CUX1: variants seen among roughly 807,000 people sequenced by gnomAD.
CUX1 encodes the protein protein CASP.
A neutral mutation model predicts 158.8 loss-of-function variants in CUX1; 31 were observed. The observed-to-expected ratio is 0.20, with a 90% confidence interval of 0.15 to 0.26. The LOEUF (loss-of-function observed/expected upper bound fraction) is 0.26. CUX1 is among the 10% of genes least tolerant of loss of function. The probability of loss-of-function intolerance (pLI) is 1.00; values close to 1 mark genes in which losing one functional copy is unlikely to be tolerated. For synonymous variants in CUX1, 879 were observed against 862.1 expected, an observed-to-expected ratio of 1.02 and a Z score of -0.34; for missense variants, 1,589 against 2,014.6, an observed-to-expected ratio of 0.79 and a Z score of 4.04.
chr7:102,122,763 T>C (rs562362567), intron 8 of CUX1, among the ~76,000 whole-genome samples: 53 of 152,224 alleles, frequency 3.5e-4, no homozygotes, highest in Non-Finnish European at 6.9e-4. Flanking sequence ...TCAGTGAGAA[T>C]TGCCAAACTT....
intron 2 of CUX1, among the ~76,000 whole-genome samples, chr7:101,976,352 T>G (rs1227022946): frequency 6.6e-6 from 1 of 152,206 alleles, no homozygotes; most frequent in African/African-American, 2.4e-5. Flanking sequence ...CCCAGGCAGA[T>G]AGCTCATTTT....
At chr7:101,978,759 T>TTTCTTCCACC (rs1254976505) in intron 2 of CUX1, among the ~76,000 whole-genome samples, 1 of 152,224 alleles carries the variant, frequency 6.6e-6, no homozygotes, top group Non-Finnish European at 1.5e-5. Context: ...CTTCTTCCAC[T>TTTCTTCCACC]TTCTTCCACC....
At chr7:101,833,352 C>T (rs1794266012) in intron 1 of CUX1, among the ~76,000 whole-genome samples, 1 of 150,264 alleles carries the variant, frequency 6.7e-6, no homozygotes. Flanking sequence ...TGTTCAAGAC[C>T]AGCATGGGCA....
intron 2 of CUX1, among the ~76,000 whole-genome samples, chr7:101,943,656 C>T (rs2129142709): frequency 6.6e-6 from 1 of 150,640 alleles, no homozygotes; most frequent in African/African-American, 2.4e-5. Context: ...GGAACAGTGT[C>T]CCCTAATAGG....
intron 20 of CUX1, among the ~76,000 whole-genome samples, chr7:102,214,821 C>T (rs782362490): frequency 7.9e-5 from 12 of 152,224 alleles, no homozygotes; most frequent in Admixed American, 1.3e-4. Flanking sequence ...CTAGATTTTG[C>T]GTTTACTTCT....
At chr7:102,173,873 T>C (rs1179841582) in intron 10 of CUX1, among the ~76,000 whole-genome samples, 1 of 152,040 alleles carries the variant, frequency 6.6e-6, no homozygotes, top group Non-Finnish European at 1.5e-5. Context: ...TATTCCCACA[T>C]AGCCAGTGGG....
intron 10 of CUX1, among the ~76,000 whole-genome samples, chr7:102,174,108 A>G (rs782226736): frequency 9.2e-5 from 14 of 151,994 alleles, no homozygotes; most frequent in Non-Finnish European, 1.6e-4. Flanking sequence ...TGGGCTTTGC[A>G]TAGTTTTGTT....
At chr7:102,197,651 C>T (rs1554518775) in intron 15 of CUX1, among the ~76,000 whole-genome samples, 1 of 152,142 alleles carries the variant, frequency 6.6e-6, no homozygotes, top group East Asian at 1.9e-4. Flanking sequence ...GGGTGCTGGT[C>T]TCACTTTTGG....
At chr7:102,028,053 C>T (rs1359999690) in intron 2 of CUX1, 45 bp from the exon 3 acceptor site, 1 of 1,608,150 alleles carries the variant, frequency 6.2e-7, no homozygotes, top group Non-Finnish European at 8.5e-7. Flanking sequence ...TCCCTTCTTT[C>T]TCCTTCTCAA....
At chr7:102,215,023 C>A (rs1191010677) in intron 20 of CUX1, among the ~76,000 whole-genome samples, 5 of 152,126 alleles carry the variant, frequency 3.3e-5, no homozygotes, top group Non-Finnish European at 7.4e-5. Flanking sequence ...TTATGGATGC[C>A]TTAGCAGCAC....
chr7:102,196,157 A>G (rs1794779220), intron 14 of CUX1, among the ~76,000 whole-genome samples: 2 of 152,150 alleles, frequency 1.3e-5, no homozygotes, highest in African/African-American at 4.8e-5. Context: ...CTCTAATGGT[A>G]TTGCATTCTC....
rs1554510160 is a variant in CUX1 at position 102,170,602 on chromosome 7, T to G, written c.828+52T>G. On this transcript the variant is annotated intron_variant, in intron 10 of 23. Coordinates refer to ENST00000292535, the MANE Select transcript of CUX1 (RefSeq NM_181552.4). ...CTGTCCCCGCCTGGCCTCCGCACCT[T>G]CGAGTTACAGCCGCTTGCTCCTTTT... 2.4e-6 allele frequency: 3 copies of G among 1,262,894 alleles called. No individual in the cohort carries two copies. In the Admixed American group the frequency reaches 6.6e-5, roughly 28 times the overall value. The allele number at this position is 1,262,894 out of a possible 1,614,324, so 78.2% of individuals were successfully genotyped here. A position where few individuals can be genotyped will look rare whatever the true frequency, so the allele number is the denominator to read the frequency against.
chr7:101,915,855 G>A (rs996802231), intron 1 of CUX1, among the ~76,000 whole-genome samples: 1 of 152,142 alleles, frequency 6.6e-6, no homozygotes. Flanking sequence ...CATTTATGGC[G>A]TGCACATTGA....
At position 101,996,423 on chromosome 7, in the gene CUX1, G is replaced by A. The variant is rs116024560; in HGVS notation, c.142-31675G>A. Among the ~76,000 whole-genome samples the A allele has an allele frequency of 6.4e-3, 967 of 152,130 alleles. 21 individuals carry two copies. Among genetic ancestry groups the A allele is most frequent in the African/African-American group, 0.022 (926 of 41,412 alleles). On this transcript the variant is annotated intron_variant, in intron 2 of 23. Coordinates refer to ENST00000292535, the MANE Select transcript of CUX1 (RefSeq NM_181552.4). ...AGCAGCCCACGCCTGCAGGTGGTCC[G>A]GCCCTGCTGTGCAGCCCTGTTACAG...
At chr7:101,934,652 A>G in intron 2 of CUX1, among the ~76,000 whole-genome samples, 1 of 152,128 alleles carries the variant, frequency 6.6e-6, no homozygotes, top group Non-Finnish European at 1.5e-5. Context: ...CGCTCCGTCC[A>G]CGTCCTGTCC....
rs1554540757 is a variant in CUX1 at position 102,253,075 on chromosome 7, C to T, written c.*4033C>T. 1.0e-6 allele frequency: 1 copy of T among 985,336 alleles called. No homozygotes were observed. Among genetic ancestry groups the T allele is most frequent in the African/African-American group, 1.7e-5 (1 of 57,242 alleles). 61.0% of individuals were successfully genotyped at this position (985,336 alleles called of 1,614,324 possible). A position where few individuals can be genotyped will look rare whatever the true frequency, so the allele number is the denominator to read the frequency against. On this transcript the variant is annotated 3_prime_UTR_variant, in exon 24 of 24. Transcript: ENST00000292535. ...TCGACAGCCTCCCTGGGGTAGATCC[C>T]TTGTACCTCCAAAGTACAAATACCT...
At chr7:101,999,549 C>T (rs1816417949) in intron 2 of CUX1, among the ~76,000 whole-genome samples, 1 of 152,140 alleles carries the variant, frequency 6.6e-6, no homozygotes, top group Non-Finnish European at 1.5e-5. Context: ...AGCAGGATTG[C>T]CACCACTCCT....
At chr7:102,002,205 C>G (rs1003787401) in intron 2 of CUX1, among the ~76,000 whole-genome samples, 5 of 152,204 alleles carry the variant, frequency 3.3e-5, no homozygotes, top group African/African-American at 1.2e-4. Context: ...GAGGCTGAGG[C>G]AGGAGGATCT....
chr7:101,906,785 G>C (rs917354256), intron 1 of CUX1, among the ~76,000 whole-genome samples: 1 of 152,134 alleles, frequency 6.6e-6, no homozygotes, highest in African/African-American at 2.4e-5. Context: ...GCCTAGGCCT[G>C]TATGGGGTGG....
Sources: allele counts gnomAD v4.1 joint callset (sites outside exome capture counted in the v4.1 genomes callset), GRCh38; gene constraint gnomAD v4.1.1; transcripts MANE v1.5; gene names NCBI Gene and HGNC (gene_info 2026-07-23, HGNC 2026-07-21).